Variants in POLE observed in about 807,000 individuals in gnomAD.
POLE encodes the protein DNA polymerase epsilon, catalytic subunit, also known as DNA polymerase epsilon catalytic subunit A.
Under a neutral mutation model 279.2 loss-of-function variants are expected in POLE, and 188 were observed. That is an observed-to-expected ratio of 0.67 (90% confidence interval 0.60 to 0.76). The LOEUF (loss-of-function observed/expected upper bound fraction) is 0.76, where lower values mean the gene tolerates loss of function less well. Among genes scored for constraint, POLE ranks in the 30% least tolerant of loss-of-function variants. The pLI is 0.00. For synonymous variants in POLE, 1,214 were observed against 1,172.5 expected, an observed-to-expected ratio of 1.04 and a Z score of -0.72; for missense variants, 2,703 against 3,016.7, an observed-to-expected ratio of 0.90 and a Z score of 2.44.
In POLE at chr12:132,657,773, C is replaced by T. The variant is rs559145173; in HGVS notation, c.3378+95G>A. On this transcript the variant is annotated intron_variant, in intron 27 of 48. Coordinates refer to ENST00000320574, the MANE Select transcript of POLE (RefSeq NM_006231.4). Reference sequence around the variant, plus strand: ...GAAAGGAGGAAGTCAAGAGTGAAGACGCCAGACAAAAAACATAATCCAACT... The same window carrying T: ...GAAAGGAGGAAGTCAAGAGTGAAGATGCCAGACAAAAAACATAATCCAACT... The T allele has an allele frequency of 2.4e-4, 215 of 898,640 alleles. No individual in the cohort carries two copies. In the African/African-American group the frequency reaches 3.3e-3, roughly 14 times the overall value. The allele number at this position is 898,640 out of a possible 1,614,324, so 55.7% of individuals were successfully genotyped here.
At chr12:132,679,427 C>G in intron 6 of POLE, 70 bp downstream of exon 6, 1 of 1,460,356 alleles carries the variant, frequency 6.8e-7, no homozygotes, top group East Asian at 2.3e-5. Flanking sequence ...TTTGTTGCTA[C>G]GTGTTCCTGT....
At chr12:132,638,818 G>C (rs992806102) in intron 40 of POLE, 3 of 355,510 alleles carry the variant, frequency 8.4e-6, no homozygotes, top group Middle Eastern at 8.2e-4. Flanking sequence ...TCCTCACACA[G>C]ATCTCCTGAC....
At chr12:132,683,166 C>T (rs11147002) in intron 1 of POLE, among the ~76,000 whole-genome samples, 47,634 of 151,824 alleles carry the variant, frequency 0.31, 8,643 homozygotes, top group Non-Finnish European at 0.41. Context: ...TCCCCCAAAC[C>T]TGTGAATGTT....
Position 132,672,859 on chromosome 12 carries a change from T to G in POLE, c.1474-20A>C. The stretch of plus-strand genomic sequence containing the variant: ...CAGCACCTGCAAGAGAAACCAAGGC[T>G]TCCAGCCAAAAGCAACACCAAAGGC... On this transcript the variant is annotated intron_variant, in intron 14 of 48. Transcript: ENST00000320574. 1 of 1,607,482 alleles carries G rather than the reference T, an allele frequency of 6.2e-7. No individual in the cohort carries two copies. The highest frequency in any genetic ancestry group is 8.5e-7 in the Non-Finnish European group (1 of 1,176,028).
intron 32 of POLE, among the ~76,000 whole-genome samples, chr12:132,644,305 A>G (rs1325018007): frequency 2.0e-5 from 3 of 149,856 alleles, no homozygotes; most frequent in Admixed American, 6.7e-5. Context: ...GGGACAAGGA[A>G]CACACCACCA....
At position 132,632,489 on chromosome 12, in the gene POLE, C is replaced by T. The variant is rs149841283; in HGVS notation, c.6156G>A (p.Gln2052=). Residue 2052 remains glutamine (Q), a synonymous_variant, in exon 45 of 49, where the codon CAG becomes CAA. Transcript: ENST00000320574. ...GALPGMITFS[Q]DYVANELTQS... ...GAGTGAGCTCATTTGCGACATAATC[C>T]TGAGAGAAGGTGATCATTCCTGGAA... 45 of 1,614,004 alleles carry T rather than the reference C, an allele frequency of 2.8e-5. No individual in the cohort carries two copies. The highest frequency in any genetic ancestry group is 3.8e-5 in the Non-Finnish European group (45 of 1,179,986).
rs1397733219 is a variant in POLE at position 132,676,144 on chromosome 12, G to C, written c.970C>G (p.Pro324Ala). ...AAGGGGCCTTCATATTCTGGCTTGGGGGTGAACTCAAAATCTTCAATATCT... is the reference window on the plus strand; with the variant it reads ...AAGGGGCCTTCATATTCTGGCTTGGCGGTGAACTCAAAATCTTCAATATCT... ...SEDIEDFEFT[P>A]KPEYEGPFCV... is the part of the protein sequence containing the mutation. The change falls in exon 10 of 49, where the codon CCC becomes GCC. Residue 324 changes from proline to alanine, a missense_variant. Pro to Ala is a conservative substitution (Grantham distance 27, BLOSUM62 -1). Transcript: ENST00000320574. The C allele has an allele frequency of 6.8e-6, 11 of 1,613,100 alleles. No individual in the cohort carries two copies. Among genetic ancestry groups the C allele is most frequent in the Non-Finnish European group, 8.5e-6 (10 of 1,179,738 alleles).
rs2042753629 is a variant in POLE at position 132,664,747 on chromosome 12, A to T, written c.2469-285T>A. Among the ~76,000 whole-genome samples, 2 of 151,490 alleles carry T rather than the reference A, an allele frequency of 1.3e-5. No homozygotes were observed. Among genetic ancestry groups the T allele is most frequent in the Non-Finnish European group, 1.5e-5 (1 of 67,852 alleles). The stretch of plus-strand genomic sequence containing the variant: ...CAGCAGGACTCTTAATACCACCCAG[A>T]CCCATTCACGCCTTCTCTACTCTCT... On this transcript the variant is annotated intron_variant, in intron 21 of 48. Coordinates refer to ENST00000320574, the MANE Select transcript of POLE (RefSeq NM_006231.4). The surrounding 1 kb of genome is among the most constrained non-coding windows in gnomAD (Gnocchi z 5.3).
Position 132,632,510 on chromosome 12 carries a change from T to C in POLE, c.6137-2A>G. The C allele has an allele frequency of 6.2e-7, 1 of 1,613,876 alleles. No homozygotes were observed. The highest frequency in any genetic ancestry group is 1.1e-5 in the South Asian group (1 of 91,080). On this transcript the variant is annotated splice_acceptor_variant, in intron 44 of 48. Coordinates refer to ENST00000320574, the MANE Select transcript of POLE (RefSeq NM_006231.4). LOFTEE classifies it high-confidence loss of function. The stretch of plus-strand genomic sequence containing the variant: ...AATCCTGAGAGAAGGTGATCATTCC[T>C]GGAAGTATAAGGATGCTGAGGGAGG...
rs2138677003 is a variant in POLE at position 132,659,417 on chromosome 12, A to C, written c.3153T>G (p.Ser1051=). ...GGCGCTTTGCTGTGCTGATGGACGT[A>C]GACTTCTGCTCCCCGTAATCTTCCA... ...RKLEDYGEQK[S]TSISTAKRLA... is the part of the protein sequence containing the mutation. The change falls in exon 26 of 49, where the codon TCT becomes TCG. Residue 1051 remains serine (S), a synonymous_variant. Transcript: ENST00000320574. 1 of 1,614,222 alleles carries C rather than the reference A, an allele frequency of 6.2e-7. No individual in the cohort carries two copies. The highest frequency in any genetic ancestry group is 1.7e-5 in the Admixed American group (1 of 60,032).
chr12:132,670,684 G>A (rs1008095356), intron 16 of POLE, among the ~76,000 whole-genome samples: 7 of 151,862 alleles, frequency 4.6e-5, no homozygotes, highest in African/African-American at 1.5e-4. Context: ...TAGTAGAGAC[G>A]GGGTTTCACC....
At chr12:132,665,558 A>T in intron 20 of POLE, 108 bp from the exon 21 acceptor site, 1 of 1,237,882 alleles carries the variant, frequency 8.1e-7, no homozygotes, top group Non-Finnish European at 1.1e-6. Flanking sequence ...ATCTATAGAA[A>T]ACCTAAAAAA....
chr12:132,663,439 T>C (rs1304923019), intron 23 of POLE, among the ~76,000 whole-genome samples: 2 of 152,188 alleles, frequency 1.3e-5, no homozygotes, highest in African/African-American at 4.8e-5. Flanking sequence ...CTCAGTCTAG[T>C]CACGAGAAAC....
intron 1 of POLE, 85 bp from the exon 2 acceptor site, chr12:132,681,364 G>C (rs1225732222): frequency 1.4e-6 from 2 of 1,438,324 alleles, no homozygotes; most frequent in East Asian, 4.6e-5. Context: ...TTTTTTTTGA[G>C]ACGGAGTCTT....
At chr12:132,680,575 T>A (rs2043144940) in intron 3 of POLE, 32 bp downstream of exon 3, 1 of 1,544,482 alleles carries the variant, frequency 6.5e-7, no homozygotes, top group Non-Finnish European at 9.0e-7. Context: ...CCCATAAAAG[T>A]GGGTTTTAGC....
chr12:132,668,649 C>T lies in POLE; in HGVS notation c.2012G>A (p.Trp671Ter). Reference sequence around the variant, plus strand: ...CCGACACTCACTGAACTCGCCCCTCCACTGCCAGGCCATCTTCCGCTGGCA... The same window carrying T: ...CCGACACTCACTGAACTCGCCCCTCTACTGCCAGGCCATCTTCCGCTGGCA... Reference protein sequence around the residue: ...ANCQRKMAWQWRGEFMPASRS... With the variant: ...ANCQRKMAWQ The change falls in exon 18 of 49, where the codon TGG (tryptophan) becomes TAG (stop). Residue 671 changes from tryptophan to a stop codon, truncating the protein, a stop_gained. Coordinates refer to ENST00000320574, the MANE Select transcript of POLE (RefSeq NM_006231.4). LOFTEE classifies it high-confidence loss of function. The surrounding 1 kb of genome is among the most constrained non-coding windows in gnomAD (Gnocchi z 4.0). The T allele has an allele frequency of 6.2e-7, 1 of 1,612,836 alleles. No individual in the cohort carries two copies. Among genetic ancestry groups the T allele is most frequent in the Non-Finnish European group, 8.5e-7 (1 of 1,178,906 alleles).
At chr12:132,631,985 G>A (rs1377554038) in intron 45 of POLE, among the ~76,000 whole-genome samples, 1 of 152,188 alleles carries the variant, frequency 6.6e-6, no homozygotes, top group East Asian at 1.9e-4. Context: ...GCTCACACCT[G>A]AGCACAGATG....
chr12:132,625,474 G>C lies in POLE; in HGVS notation c.6657+171C>G. On this transcript the variant is annotated intron_variant, in intron 47 of 48. Coordinates refer to ENST00000320574, the MANE Select transcript of POLE (RefSeq NM_006231.4). Reference sequence around the variant, plus strand: ...TTGACCCAAGGCAGGTGCTCAACCAGTGTGGACAGAACAGTCCATCAGGCT... The same window carrying C: ...TTGACCCAAGGCAGGTGCTCAACCACTGTGGACAGAACAGTCCATCAGGCT... The C allele has an allele frequency of 9.1e-6, 8 of 878,652 alleles. No homozygotes were observed. The Admixed American group carries it at 1.2e-4, about 13-fold the overall frequency. The allele number at this position is 878,652 out of a possible 1,614,324, so 54.4% of individuals were successfully genotyped here. A position where few individuals can be genotyped will look rare whatever the true frequency, so the allele number is the denominator to read the frequency against.
intron 29 of POLE, among the ~76,000 whole-genome samples, chr12:132,656,291 G>A (rs962936895): frequency 6.6e-6 from 1 of 152,168 alleles, no homozygotes; most frequent in Admixed American, 6.5e-5. Context: ...GGGGGGCAGG[G>A]GAAAGAATAC....
Sources: allele counts gnomAD v4.1 joint callset (sites outside exome capture counted in the v4.1 genomes callset), GRCh38; gene constraint gnomAD v4.1.1; non-coding constraint Gnocchi (gnomAD v3.1); transcripts MANE v1.5; gene names NCBI Gene and HGNC (gene_info 2026-07-23, HGNC 2026-07-21).